Variants in ADAMTSL1 observed in about 807,000 individuals in gnomAD.
ADAMTSL1 encodes ADAMTS-like protein 1.
ADAMTSL1 carries 126 observed loss-of-function variants against 201.8 expected under a neutral mutation model. That is an observed-to-expected ratio of 0.62 (90% CI 0.54 to 0.72). ADAMTSL1 has a LOEUF of 0.72. ADAMTSL1 is among the 30% of genes least tolerant of loss of function. The pLI, the probability that ADAMTSL1 is intolerant of heterozygous loss-of-function variation, is 0.00. For synonymous variants in ADAMTSL1, 1,121 were observed against 903.4 expected, an observed-to-expected ratio of 1.24 and a Z score of -4.32; for missense variants, 2,679 against 2,277.8, an observed-to-expected ratio of 1.18 and a Z score of -3.59.
chr9:18,050,077 C>T (rs1821864422), intron 1 of ADAMTSL1, among the ~76,000 whole-genome samples: 1 of 152,130 alleles, frequency 6.6e-6, no homozygotes, highest in African/African-American at 2.4e-5. Flanking sequence ...TTTAGTCATC[C>T]AGTGGAAAAT....
At chr9:18,768,283 C>T (rs761012942) in intron 16 of ADAMTSL1, among the ~76,000 whole-genome samples, 4 of 152,142 alleles carry the variant, frequency 2.6e-5, no homozygotes, top group Non-Finnish European at 4.4e-5. Context: ...TCTGCAAGCA[C>T]GCAGGAGTTG....
At chr9:18,107,340 G>A (rs1481343718) in intron 1 of ADAMTSL1, among the ~76,000 whole-genome samples, 4 of 152,146 alleles carry the variant, frequency 2.6e-5, no homozygotes, top group Admixed American at 6.5e-5. Context: ...GGATCCTAAT[G>A]AAGATTTTAA....
At chr9:18,163,166 A>T (rs1400743900) in intron 1 of ADAMTSL1, among the ~76,000 whole-genome samples, 1 of 151,948 alleles carries the variant, frequency 6.6e-6, no homozygotes, top group Non-Finnish European at 1.5e-5. Flanking sequence ...TTAGAGTTAG[A>T]CCTGTATTTG....
chr9:18,445,808 T>C (rs1363455269), intron 2 of ADAMTSL1, among the ~76,000 whole-genome samples: 1 of 152,140 alleles, frequency 6.6e-6, no homozygotes, highest in Non-Finnish European at 1.5e-5. Flanking sequence ...ATTTAATCTT[T>C]GTCATGTGAA....
intron 2 of ADAMTSL1, among the ~76,000 whole-genome samples, chr9:18,207,817 C>T (rs1261833173): frequency 6.6e-6 from 1 of 151,724 alleles, no homozygotes. Context: ...AAAAAGAAAG[C>T]AAGATAGGAT....
At chr9:18,735,544 C>G (rs1818451152) in intron 15 of ADAMTSL1, among the ~76,000 whole-genome samples, 2 of 152,098 alleles carry the variant, frequency 1.3e-5, no homozygotes, top group African/African-American at 4.8e-5. Context: ...AGAGACCTCT[C>G]AGATGTGGAA....
intron 23 of ADAMTSL1, among the ~76,000 whole-genome samples, chr9:18,868,695 G>T (rs118016380): frequency 4.1e-4 from 62 of 152,276 alleles, no homozygotes; most frequent in Non-Finnish European, 6.0e-4. Flanking sequence ...CCTGATGCAC[G>T]TACATCTTCA....
intron 17 of ADAMTSL1, among the ~76,000 whole-genome samples, chr9:18,774,902 T>C (rs1820888980): frequency 1.3e-5 from 2 of 152,202 alleles, no homozygotes; most frequent in African/African-American, 2.4e-5. Flanking sequence ...AGATACCCAG[T>C]AGTAAAATTG....
At chr9:17,924,357 A>G (rs867257062) in intron 1 of ADAMTSL1, among the ~76,000 whole-genome samples, 6,688 of 151,868 alleles carry the variant, frequency 0.044, 223 homozygotes, top group Non-Finnish European at 0.06. Flanking sequence ...GTCTTGGGAG[A>G]GTGTATGTGT....
intron 2 of ADAMTSL1, among the ~76,000 whole-genome samples, chr9:18,169,599 G>A (rs913661479): frequency 2.0e-5 from 3 of 152,096 alleles, no homozygotes; most frequent in Non-Finnish European, 4.4e-5. Context: ...GGATTGACTT[G>A]GCGATGCGGG....
chr9:18,439,931 T>G (rs1819923191), intron 2 of ADAMTSL1, among the ~76,000 whole-genome samples: 2 of 152,178 alleles, frequency 1.3e-5, no homozygotes, highest in Admixed American at 1.3e-4. Context: ...TGAGCCTAAG[T>G]TTTTAATCTA....
At chr9:18,793,444 G>A (rs551956360) in intron 19 of ADAMTSL1, among the ~76,000 whole-genome samples, 2 of 152,284 alleles carry the variant, frequency 1.3e-5, no homozygotes, top group Admixed American at 1.3e-4. Context: ...TGTATAGTGG[G>A]AGAGTGTTGC....
chr9:18,415,149 T>C (rs953815935), intron 2 of ADAMTSL1, among the ~76,000 whole-genome samples: 1 of 152,048 alleles, frequency 6.6e-6, no homozygotes, highest in Non-Finnish European at 1.5e-5. Context: ...CAAGATAAAA[T>C]TCACAATGTC....
intron 7 of ADAMTSL1, among the ~76,000 whole-genome samples, chr9:18,648,997 C>G (rs1306165625): frequency 1.3e-5 from 2 of 152,262 alleles, no homozygotes; most frequent in African/African-American, 4.8e-5. Context: ...CAACTTGGTT[C>G]CATTCTCCCC....
rs189379035 is a variant in ADAMTSL1, at chr9:17,922,446, C to A, written c.87+15524C>A. On this transcript the variant is annotated intron_variant, in intron 1 of 29. Coordinates refer to the ADAMTSL1 transcript ENST00000680146. ...CTGAGAAGTTTTTCATTGCAGATTCCTGAGCCTCAATCTCAGAGATTCTGA... is the reference window on the plus strand; with the variant it reads ...CTGAGAAGTTTTTCATTGCAGATTCATGAGCCTCAATCTCAGAGATTCTGA... 3.9e-4 allele frequency among the ~76,000 whole-genome samples: 59 copies of A among 152,190 alleles called. 1 individual carries two copies. Among genetic ancestry groups the A allele is most frequent in the Admixed American group, 5.2e-4 (8 of 15,270 alleles).
At chr9:18,409,698 C>G (rs1003448100) in intron 2 of ADAMTSL1, among the ~76,000 whole-genome samples, 2 of 150,458 alleles carry the variant, frequency 1.3e-5, no homozygotes, top group African/African-American at 4.9e-5. Flanking sequence ...AGTCTTCAAA[C>G]TAGACAGCCA....
chr9:18,682,624 A>G (rs779669125), intron 12 of ADAMTSL1, among the ~76,000 whole-genome samples: 14 of 152,190 alleles, frequency 9.2e-5, no homozygotes, highest in Non-Finnish European at 1.8e-4. Flanking sequence ...GTCTGTGTCA[A>G]TGGAAAAGAA....
At position 18,411,778 on chromosome 9, in the gene ADAMTSL1, T is replaced by C. The variant is rs887109956; in HGVS notation, c.208-93051T>C. On this transcript the variant is annotated intron_variant, in intron 2 of 29. Transcript: ENST00000680146. ...TCACCCATAAATATCATAATATGCATCACTAACTGGTAGGCACTTTTAGAA... is the reference window on the plus strand; with the variant it reads ...TCACCCATAAATATCATAATATGCACCACTAACTGGTAGGCACTTTTAGAA... Among the ~76,000 whole-genome samples, 19 of 152,180 alleles carry C rather than the reference T, an allele frequency of 1.2e-4. 1 individual carries two copies. The highest frequency in any genetic ancestry group is 2.6e-4 in the Non-Finnish European group (18 of 68,042).
chr9:18,013,288 G>C (rs926941873), intron 1 of ADAMTSL1, among the ~76,000 whole-genome samples: 3 of 151,982 alleles, frequency 2.0e-5, no homozygotes, highest in African/African-American at 4.8e-5. Flanking sequence ...ACAGAAATTT[G>C]ACTTCTGCCC....
Sources: gnomAD v4.1 joint callset for allele counts (sites outside exome capture counted in the v4.1 genomes callset) on GRCh38, gnomAD v4.1.1 for gene constraint, MANE v1.5 for transcripts, NCBI Gene and HGNC (gene_info 2026-07-23, HGNC 2026-07-21) for gene names.